The following MRC1 variants were observed in gnomAD, a reference collection of about 807,000 sequenced individuals.
MRC1 encodes the protein mannose receptor C-type 1, also known as macrophage mannose receptor 1.
A neutral mutation model predicts 102.9 loss-of-function variants in MRC1; 62 were observed. The ratio of observed to expected loss-of-function variants is 0.60; its 90% CI spans 0.49 to 0.74. MRC1 has a LOEUF of 0.74. Among genes scored for constraint, MRC1 ranks in the 30% least tolerant of loss-of-function variants. The pLI is 0.00. For synonymous variants in MRC1, 457 were observed against 298.4 expected (o/e 1.53, Z -5.48); for missense variants, 1,237 against 862.8 (o/e 1.43, Z -5.43).
chr10:17,863,722 C>G (rs1429521829), intron 11 of MRC1, 40 bp downstream of exon 11: 1 of 775,068 alleles, frequency 1.3e-6, no homozygotes, highest in Non-Finnish European at 2.4e-6. Flanking sequence ...TTTCACCCTA[C>G]GAATCTGTTA....
At chr10:17,862,766 C>T (rs1171879551) in intron 10 of MRC1, 1 of 152,196 alleles carries the variant, frequency 6.6e-6, no homozygotes, top group African/African-American at 2.4e-5. Context: ...TCTCTGAAGT[C>T]ATCTACAACT....
intron 17 of MRC1, 97 bp downstream of exon 17, chr10:17,875,350 T>C (rs1833415379): frequency 1.3e-6 from 1 of 749,472 alleles, no homozygotes; most frequent in African/African-American, 1.7e-5. Flanking sequence ...ATTTCTGAGA[T>C]TTTGGTACAC....
Position 17,823,338 on chromosome 10 carries a change from G to A in MRC1, c.326G>A (p.Gly109Glu), listed in dbSNP as rs1838424820. 1.3e-6 allele frequency: 1 copy of A among 780,798 alleles called. No homozygotes were observed. 48.4% of individuals were successfully genotyped at this position (780,798 alleles called of 1,614,324 possible). A position where few individuals can be genotyped will look rare whatever the true frequency, so the allele number is the denominator to read the frequency against. ...KWECKNDTLL[G>E]IKGEDLFFNY... is the part of the protein sequence containing the mutation. The stretch of plus-strand genomic sequence containing the variant: ...GAGTGCAAAAATGACACACTTTTGG[G>A]GATCAAAGGAGAAGATTTATTTTTT... The change falls in exon 2 of 30, where the codon GGG (glycine) becomes GAG (glutamate). Residue 109 changes from glycine to glutamate, a missense_variant. By Grantham distance (98) the Gly-to-Glu change is moderately conservative. Coordinates refer to ENST00000569591, the MANE Select transcript of MRC1 (RefSeq NM_002438.4).
At chr10:17,909,645 T>G (rs1833942956) in intron 29 of MRC1, among the ~76,000 whole-genome samples, 1 of 151,728 alleles carries the variant, frequency 6.6e-6, no homozygotes, top group Non-Finnish European at 1.5e-5. Context: ...GTGGGTTTTT[T>G]TCTTTTCTTA....
chr10:17,881,686 T>TTTC (rs1229520158), intron 21 of MRC1, among the ~76,000 whole-genome samples: 2 of 149,186 alleles, frequency 1.3e-5, no homozygotes, highest in Non-Finnish European at 3.0e-5. Flanking sequence ...TTTTTTTTTT[T>TTTC]TTTTTTTGGT....
At position 17,855,493 on chromosome 10, in the gene MRC1, C is replaced by T. The variant is rs984470091; in HGVS notation, c.1408-749C>T. Among the ~76,000 whole-genome samples the T allele has an allele frequency of 1.6e-4, 23 of 144,422 alleles. 1 individual carries two copies. The highest frequency in any genetic ancestry group is 1.5e-3 in the Admixed American group (20 of 13,620). 94.7% of individuals were successfully genotyped at this position (144,422 alleles called of 152,430 possible). A position where few individuals can be genotyped will look rare whatever the true frequency, so the allele number is the denominator to read the frequency against. On this transcript the variant is annotated intron_variant, in intron 8 of 29. Transcript: ENST00000569591. ...GGCTGAGGCAGGAAAATGGTGTGAA[C>T]CTGGGAGGTGGAGCTTGCAGTGAGC...
chr10:17,883,694 G>A (rs906740712), intron 21 of MRC1, among the ~76,000 whole-genome samples: 11 of 152,160 alleles, frequency 7.2e-5, no homozygotes, highest in Non-Finnish European at 1.0e-4. Context: ...TCCTATTTAT[G>A]TTCAGCAGAT....
In MRC1 at chr10:17,872,002, TTA is replaced by T; in HGVS notation, c.2222_2223del (p.Tyr741TrpfsTer4). Reference sequence around the variant, plus strand: ...TATAGGTTTCATATGAAAACTGGGCTTATGGAGAACCTAATAATTATCAAAAT... The same window carrying T: ...TATAGGTTTCATATGAAAACTGGGCTTGGAGAACCTAATAATTATCAAAAT... ...GSPVSYENWA[Y>X]GEPNNYQNVE... On this transcript the variant is annotated frameshift_variant, in exon 15 of 30. Coordinates refer to ENST00000569591, the MANE Select transcript of MRC1 (RefSeq NM_002438.4). LOFTEE classifies it high-confidence loss of function. 1.3e-6 allele frequency: 1 copy of T among 780,658 alleles called. No individual in the cohort carries two copies. Among genetic ancestry groups the T allele is most frequent in the Middle Eastern group, 2.3e-4 (1 of 4,434 alleles). 48.4% of individuals were successfully genotyped at this position (780,658 alleles called of 1,614,324 possible).
chr10:17,826,210 A>T (rs921661206), intron 2 of MRC1, among the ~76,000 whole-genome samples: 4 of 150,486 alleles, frequency 2.7e-5, no homozygotes, highest in African/African-American at 9.9e-5. Flanking sequence ...TTTTTTTAAG[A>T]TTTATTTTTT....
intron 20 of MRC1, 145 bp downstream of exon 20, chr10:17,880,815 T>C (rs1589190049): frequency 9.3e-6 from 7 of 749,730 alleles, no homozygotes; most frequent in Non-Finnish European, 1.5e-5. Flanking sequence ...ACAAACTCTT[T>C]ATGGAAATTG....
intron 1 of MRC1, among the ~76,000 whole-genome samples, chr10:17,818,255 T>A (rs942276365): frequency 2.2e-4 from 33 of 152,290 alleles, no homozygotes; most frequent in African/African-American, 7.5e-4. Flanking sequence ...GGGTTACTAG[T>A]TAAGATGCTT....
intron 3 of MRC1, among the ~76,000 whole-genome samples, chr10:17,831,127 A>G (rs1554839025): frequency 6.7e-6 from 1 of 150,194 alleles, no homozygotes; most frequent in East Asian, 1.9e-4. Context: ...CGAACTCCTA[A>G]CCTTGTGATC....
chr10:17,822,998 G>T lies in MRC1; in HGVS notation c.62-76G>T. The T allele has an allele frequency of 1.1e-5, 8 of 758,134 alleles. No homozygotes were observed. In the South Asian group the frequency reaches 1.1e-4, roughly 11 times the overall value. The allele number at this position is 758,134 out of a possible 1,614,324, so 47.0% of individuals were successfully genotyped here. On this transcript the variant is annotated intron_variant, in intron 1 of 29. Coordinates refer to ENST00000569591, the MANE Select transcript of MRC1 (RefSeq NM_002438.4). ...AGAGTTGGAAACTTTTGACCTAAAA[G>T]ATCGTCCTTGTTACATGAATCCACT...
At chr10:17,863,911 A>T (rs890635487) in intron 11 of MRC1, among the ~76,000 whole-genome samples, 128 of 151,970 alleles carry the variant, frequency 8.4e-4, no homozygotes, top group African/African-American at 3.0e-3. Context: ...AAAAATTGCT[A>T]GGTTATATTG....
At chr10:17,820,330 T>C (rs1014813254) in intron 1 of MRC1, among the ~76,000 whole-genome samples, 18 of 152,268 alleles carry the variant, frequency 1.2e-4, no homozygotes, top group African/African-American at 3.9e-4. Flanking sequence ...TTTTAGCTTA[T>C]AGATCTCGGG....
chr10:17,898,794 G>C (rs1408105657), intron 24 of MRC1, among the ~76,000 whole-genome samples: 1 of 152,164 alleles, frequency 6.6e-6, no homozygotes, highest in Non-Finnish European at 1.5e-5. Flanking sequence ...GGAAGAGGCA[G>C]AAAACTAAGA....
In MRC1 at chr10:17,821,689, A is replaced by G. The variant is rs868932666; in HGVS notation, c.62-1385A>G. ...GGTCTAGAACTGATCTCAGAGTGTA[A>G]GTGGTGCTAACCTCCCTGGGGTGTT... On this transcript the variant is annotated intron_variant, in intron 1 of 29. Coordinates refer to ENST00000569591, the MANE Select transcript of MRC1 (RefSeq NM_002438.4). Among the ~76,000 whole-genome samples the G allele has an allele frequency of 1.4e-3, 210 of 152,292 alleles. 1 individual carries two copies. Among genetic ancestry groups the G allele is most frequent in the African/African-American group, 5.0e-3 (206 of 41,560 alleles).
Position 17,898,036 on chromosome 10 carries a change from C to T in MRC1, c.3253C>T (p.Pro1085Ser). 1.3e-6 allele frequency: 1 copy of T among 780,664 alleles called. No individual in the cohort carries two copies. Among genetic ancestry groups the T allele is most frequent in the Non-Finnish European group, 2.4e-6 (1 of 417,930 alleles). The allele number at this position is 780,664 out of a possible 1,614,324, so 48.4% of individuals were successfully genotyped here. A position where few individuals can be genotyped will look rare whatever the true frequency, so the allele number is the denominator to read the frequency against. ...RGYICQTRSD[P>S]SLTNPPATIQ... ...ATGAAAATAATGTTTTTATCTAGAC[C>T]CTTCCTTGACTAATCCTCCAGCAAC... The change falls in exon 24 of 30, where the codon CCT (proline) becomes TCT (serine). Residue 1085 changes from proline to serine, a missense_variant and splice_region_variant. Coordinates refer to ENST00000569591, the MANE Select transcript of MRC1 (RefSeq NM_002438.4).
chr10:17,898,375 C>G, intron 24 of MRC1, 109 bp downstream of exon 24: 1 of 768,956 alleles, frequency 1.3e-6, no homozygotes, highest in South Asian at 1.4e-5. Flanking sequence ...AGAGACTGTG[C>G]TAGGCAATGT....
Sources: allele counts gnomAD v4.1 joint callset (sites outside exome capture counted in the v4.1 genomes callset), GRCh38; gene constraint gnomAD v4.1.1; transcripts MANE v1.5; gene names NCBI Gene and HGNC (gene_info 2026-07-23, HGNC 2026-07-21).